Variants in GPC5 observed in about 807,000 individuals in gnomAD.
GPC5 encodes the protein glypican 5, also known as glypican-5.
GPC5 carries 47 observed loss-of-function variants against 53.9 expected under a neutral mutation model. The observed-to-expected ratio is 0.87, with a 90% confidence interval of 0.69 to 1.11. GPC5 has a LOEUF of 1.11. Among genes scored for constraint, GPC5 ranks in the 50% most tolerant of loss-of-function variants. The probability of loss-of-function intolerance (pLI) is 0.00; values close to 1 mark genes in which losing one functional copy is unlikely to be tolerated. For synonymous variants in GPC5, 286 were observed against 263.3 expected, an observed-to-expected ratio of 1.09 and a Z score of -0.84; for missense variants, 748 against 713.1, an observed-to-expected ratio of 1.05 and a Z score of -0.56.
rs146283135 is a variant in GPC5 at position 92,564,935 on chromosome 13, T to A, written c.1562-301347T>A. ...CAGAAAATTTTAGGAAATAATCAGA[T>A]AAACTTTACAATTGGCAAATCAAAG... On this transcript the variant is annotated intron_variant, in intron 7 of 7. Coordinates refer to ENST00000377067, the MANE Select transcript of GPC5 (RefSeq NM_004466.6). Among the ~76,000 whole-genome samples the A allele has an allele frequency of 9.8e-4, 149 of 152,168 alleles. No homozygotes were observed. In the East Asian group the frequency reaches 0.026, roughly 26 times the overall value.
intron 6 of GPC5, among the ~76,000 whole-genome samples, chr13:92,092,549 T>C (rs1180852705): frequency 6.6e-6 from 1 of 152,184 alleles, no homozygotes; most frequent in Non-Finnish European, 1.5e-5. Context: ...AATAAAATTA[T>C]ATTTGGAATC....
chr13:91,976,295 A>T (rs935603904), intron 6 of GPC5, among the ~76,000 whole-genome samples: 1 of 152,232 alleles, frequency 6.6e-6, no homozygotes, highest in African/African-American at 2.4e-5. Context: ...AATTTAAAAA[A>T]ATAGTGAAAA....
At chr13:92,826,380 C>T (rs1463591865) in intron 7 of GPC5, among the ~76,000 whole-genome samples, 1 of 152,080 alleles carries the variant, frequency 6.6e-6, no homozygotes, top group Non-Finnish European at 1.5e-5. Flanking sequence ...ATTCTGCCAA[C>T]AACGACATAA....
chr13:91,914,283 A>T (rs548372560), intron 6 of GPC5, among the ~76,000 whole-genome samples: 1 of 152,324 alleles, frequency 6.6e-6, no homozygotes, highest in South Asian at 2.1e-4. Flanking sequence ...GTAATATCAC[A>T]GCAATTTTCT....
At chr13:92,426,412 G>T (rs2209838) in intron 7 of GPC5, among the ~76,000 whole-genome samples, 20,260 of 152,072 alleles carry the variant, frequency 0.13, 1,778 homozygotes, top group East Asian at 0.47. Context: ...GCTTTTCTCA[G>T]AAATTTCAAT....
intron 2 of GPC5, among the ~76,000 whole-genome samples, chr13:91,588,515 T>A (rs2032679793): frequency 6.6e-6 from 1 of 152,108 alleles, no homozygotes; most frequent in East Asian, 1.9e-4. Context: ...TAAACAATTT[T>A]TCCCCCTCTA....
Position 92,324,535 on chromosome 13 carries a change from A to G in GPC5, c.1561+179546A>G, listed in dbSNP as rs529474950. On this transcript the variant is annotated intron_variant, in intron 7 of 7. Transcript: ENST00000377067. ...CCTGAGAGTATCTTAACAGAAAACA[A>G]AAGTTTTCATGTTTTAATAACGATA... Among the ~76,000 whole-genome samples the G allele has an allele frequency of 2.0e-5, 3 of 152,062 alleles. No homozygotes were observed. The East Asian group carries it at 5.8e-4, about 29-fold the overall frequency.
Position 92,033,068 on chromosome 13 carries a change from TG to T in GPC5, c.1402-111761del, listed in dbSNP as rs1566404183. Among the ~76,000 whole-genome samples, 7 of 151,930 alleles carry T rather than the reference TG, an allele frequency of 4.6e-5. No individual in the cohort carries two copies. The East Asian group carries it at 1.4e-3, about 29-fold the overall frequency. On this transcript the variant is annotated intron_variant, in intron 6 of 7. Coordinates refer to ENST00000377067, the MANE Select transcript of GPC5 (RefSeq NM_004466.6). Reference sequence around the variant, plus strand: ...GTGTGTGTGTGTGTGTGTGTGTGTGTGTGTGTGCTTCTCATTGAACCATATC... The same window carrying T: ...GTGTGTGTGTGTGTGTGTGTGTGTGTTGTGTGCTTCTCATTGAACCATATC...
chr13:92,422,122 T>G (rs1876594339), intron 7 of GPC5, among the ~76,000 whole-genome samples: 1 of 137,246 alleles, frequency 7.3e-6, no homozygotes, highest in African/African-American at 2.9e-5. Flanking sequence ...CCCAAACAAA[T>G]CTTGCCACCA....
chr13:91,567,324 T>C (rs562926261), intron 2 of GPC5, among the ~76,000 whole-genome samples: 1 of 152,252 alleles, frequency 6.6e-6, no homozygotes, highest in East Asian at 1.9e-4. Context: ...AAAGCAGATA[T>C]TCTTATCTTT....
intron 3 of GPC5, among the ~76,000 whole-genome samples, chr13:91,727,824 T>C (rs1247507847): frequency 2.6e-5 from 4 of 152,200 alleles, no homozygotes; most frequent in Non-Finnish European, 5.9e-5. Context: ...ATACAAGGTA[T>C]CATATAAATC....
At chr13:92,062,057 C>A (rs2041128523) in intron 6 of GPC5, among the ~76,000 whole-genome samples, 1 of 151,614 alleles carries the variant, frequency 6.6e-6, no homozygotes, top group South Asian at 2.1e-4. Context: ...TATAGACTTT[C>A]CAAGCTTTCT....
rs185947411 is a variant in GPC5, at chr13:91,701,280, G to A, written c.1020+7399G>A. On this transcript the variant is annotated intron_variant, in intron 3 of 7. Transcript: ENST00000377067. ...CATTGTTATTAACTATAGTCACAAT[G>A]CTGTACAATAGATCTCCAGAACTCA... 3.5e-4 allele frequency among the ~76,000 whole-genome samples: 54 copies of A among 152,168 alleles called. 2 individuals are homozygous for A. In the Middle Eastern group the frequency reaches 0.02, roughly 58 times the overall value.
chr13:91,804,782 T>C (rs1854971), intron 5 of GPC5, among the ~76,000 whole-genome samples: 78,289 of 151,960 alleles, frequency 0.52, 20,807 homozygotes, highest in East Asian at 0.73. Context: ...AGGGCAAAAG[T>C]GCAAGAAAGA....
chr13:91,977,677 C>A (rs1370833539), intron 6 of GPC5, among the ~76,000 whole-genome samples: 1 of 152,150 alleles, frequency 6.6e-6, no homozygotes, highest in Non-Finnish European at 1.5e-5. Flanking sequence ...GTTAAAGATA[C>A]CTCCTTCCCC....
chr13:91,841,043 A>AT lies in GPC5; in HGVS notation c.1281-66884dup, dbSNP rs33999261. Among the ~76,000 whole-genome samples the AT allele has an allele frequency of 2.8e-3, 423 of 149,990 alleles. 4 individuals carry two copies. Among genetic ancestry groups the AT allele is most frequent in the African/African-American group, 5.5e-3 (226 of 40,956 alleles). ...TATTTCTGGAATTGTAAAATATATG[A>AT]TTTTTTTTTTATTTTTCAAAGAGCG... is the stretch of plus-strand genomic sequence containing the variant. On this transcript the variant is annotated intron_variant, in intron 5 of 7. Transcript: ENST00000377067.
intron 7 of GPC5, among the ~76,000 whole-genome samples, chr13:92,490,980 T>C (rs964415062): frequency 1.3e-5 from 2 of 152,018 alleles, no homozygotes; most frequent in African/African-American, 2.4e-5. Flanking sequence ...CAGAATGAGG[T>C]AGAACAAAGA....
At chr13:92,463,846 A>G (rs918994668) in intron 7 of GPC5, among the ~76,000 whole-genome samples, 5 of 152,338 alleles carry the variant, frequency 3.3e-5, no homozygotes, top group Admixed American at 2.6e-4. Flanking sequence ...ATACAGTTTT[A>G]AGATACAATT....
chr13:92,623,653 T>C (rs1360843943), intron 7 of GPC5, among the ~76,000 whole-genome samples: 1 of 152,148 alleles, frequency 6.6e-6, no homozygotes, highest in African/African-American at 2.4e-5. Context: ...TTAGTAAGGA[T>C]CAAGCTATAT....
Sources: gnomAD v4.1 joint callset for allele counts (sites outside exome capture counted in the v4.1 genomes callset) on GRCh38, gnomAD v4.1.1 for gene constraint, MANE v1.5 for transcripts, NCBI Gene and HGNC (gene_info 2026-07-23, HGNC 2026-07-21) for gene names.